Variants in CASP4 observed in about 807,000 individuals in gnomAD.
CASP4 encodes caspase 4.
In CASP4, 29 loss-of-function variants were observed where a neutral mutation model predicts 41.3. The ratio of observed to expected loss-of-function variants is 0.70; its 90% confidence interval spans 0.52 to 0.96. The LOEUF is 0.96. CASP4 is among the 40% of genes least tolerant of loss of function. The pLI, the probability that CASP4 is intolerant of heterozygous loss-of-function variation, is 0.00. For synonymous variants in CASP4, 185 were observed against 158.4 expected, an observed-to-expected ratio of 1.17 and a Z score of -1.26; for missense variants, 447 against 460.6, an observed-to-expected ratio of 0.97 and a Z score of 0.27.
At chr11:104,953,439 A>G (rs1860662683) in intron 2 of CASP4, among the ~76,000 whole-genome samples, 1 of 152,176 alleles carries the variant, frequency 6.6e-6, no homozygotes, top group South Asian at 2.1e-4. Flanking sequence ...TCTAATTCCC[A>G]TTAGTTGCAC....
intron 1 of CASP4, chr11:104,956,598 T>C (rs1039148225): frequency 1.0e-6 from 1 of 965,150 alleles, no homozygotes; most frequent in Non-Finnish European, 1.2e-6. Context: ...CTACATTACC[T>C]GACAGTTGGT....
At chr11:104,953,376 C>T (rs1053313930) in intron 2 of CASP4, among the ~76,000 whole-genome samples, 2 of 152,070 alleles carry the variant, frequency 1.3e-5, no homozygotes, top group African/African-American at 4.8e-5. Context: ...CTTGAATGCT[C>T]ATTGTGATAT....
At position 104,967,170 on chromosome 11, in the gene CASP4, C is replaced by T. The variant is rs1347363866; in HGVS notation, c.7+1349G>A. ...AAGAGTTTAAGGTAATAATAGCTGT[C>T]TACATTTGGTTGTTTATAATTATCA... On this transcript the variant is annotated intron_variant, in intron 1 of 8. Coordinates refer to ENST00000444739, the MANE Select transcript of CASP4 (RefSeq NM_001225.4). Among the ~76,000 whole-genome samples, 3 of 152,116 alleles carry T rather than the reference C, an allele frequency of 2.0e-5. No homozygotes were observed. The East Asian group carries it at 5.8e-4, about 29-fold the overall frequency.
chr11:104,952,066 A>G (rs1358284072), intron 2 of CASP4, 61 bp from the exon 3 acceptor site: 13 of 999,598 alleles, frequency 1.3e-5, no homozygotes, highest in Non-Finnish European at 1.9e-5. Flanking sequence ...TTTATCACCT[A>G]AGAAGATCGA....
At chr11:104,963,440 A>T (rs1280244074) in intron 1 of CASP4, among the ~76,000 whole-genome samples, 3 of 152,346 alleles carry the variant, frequency 2.0e-5, no homozygotes, top group Non-Finnish European at 2.9e-5. Flanking sequence ...AAGTAGATGG[A>T]TCACTCTCAA....
At chr11:104,955,222 T>C (rs958245279) in intron 1 of CASP4, among the ~76,000 whole-genome samples, 5 of 152,108 alleles carry the variant, frequency 3.3e-5, no homozygotes, top group African/African-American at 1.2e-4. Context: ...TTGTTCTTTT[T>C]TCTTTTCTTT....
At chr11:104,958,959 TCAAAAAAAAA>T (rs1860799333) in intron 1 of CASP4, among the ~76,000 whole-genome samples, 1 of 27,844 alleles carries the variant, frequency 3.6e-5, no homozygotes, top group African/African-American at 1.4e-4. Flanking sequence ...AGACTCTGTC[TCAAAAAAAAA>T]AAAAAAAAAA....
chr11:104,964,687 C>G (rs1412438706), intron 1 of CASP4, among the ~76,000 whole-genome samples: 2 of 152,158 alleles, frequency 1.3e-5, no homozygotes, highest in African/African-American at 4.8e-5. Flanking sequence ...ACACAGAGTC[C>G]TTGTACAAGG....
At chr11:104,955,794 T>C (rs1001916838) in intron 1 of CASP4, among the ~76,000 whole-genome samples, 5 of 152,120 alleles carry the variant, frequency 3.3e-5, no homozygotes, top group African/African-American at 7.2e-5. Flanking sequence ...ACAGATATGA[T>C]TTCGGCAGAT....
rs185856380 is a variant in CASP4, at chr11:104,957,148, C to T, written c.8-2147G>A. On this transcript the variant is annotated intron_variant, in intron 1 of 8. Transcript: ENST00000444739. ...TTTAAAGATGAAATGGTCTTATATA[C>T]GGAAAACCCTAAAGGATCCACCAAA... Among the ~76,000 whole-genome samples, 133 of 152,056 alleles carry T rather than the reference C, an allele frequency of 8.7e-4. 1 individual carries two copies. The East Asian group carries it at 0.023, about 26-fold the overall frequency.
chr11:104,950,860 T>C (rs2134639916), intron 4 of CASP4, 65 bp downstream of exon 4: 1 of 1,478,438 alleles, frequency 6.8e-7, no homozygotes, highest in Non-Finnish European at 9.3e-7. Flanking sequence ...TCTTTGAAGC[T>C]AGGTAGTTAT....
chr11:104,957,805 AC>A (rs907997009), intron 1 of CASP4, among the ~76,000 whole-genome samples: 1 of 150,992 alleles, frequency 6.6e-6, no homozygotes, highest in African/African-American at 2.4e-5. Flanking sequence ...GGAATCACAC[AC>A]AAAAAAACAA....
intron 5 of CASP4, 142 bp downstream of exon 5, chr11:104,949,401 C>T (rs910758930): frequency 3.5e-6 from 3 of 867,790 alleles, no homozygotes; most frequent in Admixed American, 4.9e-5. Context: ...ATACCAGACC[C>T]TTAGGTAGAG....
At position 104,944,696 on chromosome 11, in the gene CASP4, A is replaced by G. The variant is rs183687221; in HGVS notation, c.*5+52T>C. The G allele has an allele frequency of 4.4e-5, 51 of 1,170,350 alleles. No homozygotes were observed. The East Asian group carries it at 9.2e-4, about 21-fold the overall frequency. 72.5% of individuals were successfully genotyped at this position (1,170,350 alleles called of 1,614,324 possible). A position where few individuals can be genotyped will look rare whatever the true frequency, so the allele number is the denominator to read the frequency against. On this transcript the variant is annotated intron_variant, in intron 8 of 8. Coordinates refer to ENST00000444739, the MANE Select transcript of CASP4 (RefSeq NM_001225.4). ...CATTTGTCATTGAACTTAACCACCAATATCACTCTCTTATTTATTTCACAT... is the reference window on the plus strand; with the variant it reads ...CATTTGTCATTGAACTTAACCACCAGTATCACTCTCTTATTTATTTCACAT...
intron 8 of CASP4, chr11:104,943,255 G>C (rs1004215845): frequency 3.9e-6 from 1 of 253,200 alleles, no homozygotes; most frequent in African/African-American, 2.3e-5. Context: ...ACGCGATCTG[G>C]CTTCTCACTG....
At chr11:104,951,201 C>T (rs1860604605) in intron 3 of CASP4, 103 bp from the exon 4 acceptor site, 1 of 916,076 alleles carries the variant, frequency 1.1e-6, no homozygotes, top group African/African-American at 1.7e-5. Flanking sequence ...CAGCTCCTCT[C>T]TGCTCTAACT....
chr11:104,952,933 G>C (rs1269143570), intron 2 of CASP4, among the ~76,000 whole-genome samples: 1 of 152,146 alleles, frequency 6.6e-6, no homozygotes, highest in African/African-American at 2.4e-5. Context: ...AGACATGCTG[G>C]ATCCTGGATA....
Position 104,968,568 on chromosome 11 carries a change from TCA to T in CASP4, c.-45_-44del. 6.2e-7 allele frequency: 1 copy of T among 1,608,348 alleles called. No individual in the cohort carries two copies. Among genetic ancestry groups the T allele is most frequent in the Non-Finnish European group, 8.5e-7 (1 of 1,175,256 alleles). On this transcript the variant is annotated 5_prime_UTR_variant, in exon 1 of 9. Coordinates refer to ENST00000444739, the MANE Select transcript of CASP4 (RefSeq NM_001225.4). Reference sequence around the variant, plus strand: ...CTTTTTTACAGCGTTGGAAAGAGCCTCAGAGTCAAAAATGAAAGTAAACTATG... The same window carrying T: ...CTTTTTTACAGCGTTGGAAAGAGCCTGAGTCAAAAATGAAAGTAAACTATG...
chr11:104,961,485 GGGGTGTCTGTAGCCCCATTGCA>G (rs1226912214), intron 1 of CASP4, among the ~76,000 whole-genome samples: 12 of 151,950 alleles, frequency 7.9e-5, no homozygotes, highest in South Asian at 2.1e-4. Flanking sequence ...GCTCTATGAT[GGGGTGTCTGTAGCCCCATTGCA>G]GGGTGTCTGT....
Sources: allele counts gnomAD v4.1 joint callset (sites outside exome capture counted in the v4.1 genomes callset), GRCh38; gene constraint gnomAD v4.1.1; transcripts MANE v1.5; gene names NCBI Gene and HGNC (gene_info 2026-07-23, HGNC 2026-07-21).